PLAC8L1: variants seen among roughly 807,000 people sequenced by gnomAD.
The protein encoded by PLAC8L1 is PLAC8-like protein 1.
A neutral mutation model predicts 16.3 loss-of-function variants in PLAC8L1; 13 were observed. The ratio of observed to expected loss-of-function variants is 0.80; its 90% confidence interval spans 0.52 to 1.27. PLAC8L1 has a LOEUF of 1.27. Among genes scored for constraint, PLAC8L1 ranks in the 50% most tolerant of loss-of-function variants. The pLI is 0.00. For missense variants in PLAC8L1, 184 were observed against 220.2 expected (o/e 0.84, Z 1.04); for synonymous variants, 78 against 79.3 (o/e 0.98, Z 0.09).
At chr5:146,084,724 T>C (rs1763479691) in intron 3 of PLAC8L1, 152 bp from the exon 4 acceptor site, 3 of 981,264 alleles carry the variant, frequency 3.1e-6, no homozygotes, top group African/African-American at 3.3e-5. Flanking sequence ...CTAAGTTGCA[T>C]AAGTGCCAAG....
At chr5:146,085,164 TCGCAGCA>T (rs1763488323) in intron 3 of PLAC8L1, among the ~76,000 whole-genome samples, 1 of 152,122 alleles carries the variant, frequency 6.6e-6, no homozygotes, top group Non-Finnish European at 1.5e-5. Context: ...ACACCTGTAA[TCGCAGCA>T]CTTTGGGAGC....
chr5:146,089,213 T>A (rs535167691), intron 2 of PLAC8L1, among the ~76,000 whole-genome samples: 1 of 152,322 alleles, frequency 6.6e-6, no homozygotes, highest in African/African-American at 2.4e-5. Context: ...CTTTTTGTCA[T>A]ATAATCATGT....
rs79446742 is a variant in PLAC8L1, at chr5:146,084,452, T to C, written c.514A>G (p.Thr172Ala). The C allele has an allele frequency of 1.1e-3, 1,809 of 1,614,086 alleles. 14 individuals are homozygous for C. The African/African-American group carries it at 0.021, about 18-fold the overall frequency. Residue 172 changes from threonine to alanine, a missense_variant, in exon 4 of 4, where the codon ACT becomes GCT. Physicochemically the swap from Thr to Ala is moderately conservative, Grantham distance 58. Transcript: ENST00000311450. The stretch of plus-strand genomic sequence containing the variant: ...TGCTGTCAAACCAGGGTGTCCTTAG[T>C]CATTGGGACTGCACAGATTTCATAG... ...QVYEICAVPM[T>A]KDTLV is the part of the protein sequence containing the mutation.
At chr5:146,094,079 G>T (rs1191863659) in intron 2 of PLAC8L1, among the ~76,000 whole-genome samples, 1 of 151,910 alleles carries the variant, frequency 6.6e-6, no homozygotes, top group Non-Finnish European at 1.5e-5. Flanking sequence ...TTGTTGTTTT[G>T]TTTCTTTTGT....
At position 146,085,898 on chromosome 5, in the gene PLAC8L1, T is replaced by A. The variant is rs189259554; in HGVS notation, c.257-301A>T. 2.2e-3 allele frequency among the ~76,000 whole-genome samples: 330 copies of A among 152,340 alleles called. 3 individuals carry two copies. The highest frequency in any genetic ancestry group is 7.7e-3 in the African/African-American group (321 of 41,576). On this transcript the variant is annotated intron_variant, in intron 2 of 3. Transcript: ENST00000311450. ...GAGAAAAAGCATCAAATAATTTTTT[T>A]ACATTTGAATCATAACTGTTGCTTT...
At chr5:146,098,757 ACT>A (rs928853307) in intron 1 of PLAC8L1, among the ~76,000 whole-genome samples, 69 of 152,262 alleles carry the variant, frequency 4.5e-4, no homozygotes, top group African/African-American at 1.6e-3. Context: ...TGACAAAGTA[ACT>A]CTGAGTGAGC....
At chr5:146,091,629 T>C (rs986087500) in intron 2 of PLAC8L1, among the ~76,000 whole-genome samples, 1 of 143,236 alleles carries the variant, frequency 7.0e-6, no homozygotes, top group African/African-American at 2.4e-5. Context: ...AGACTCCATC[T>C]CTACAAAAAA....
intron 2 of PLAC8L1, among the ~76,000 whole-genome samples, chr5:146,094,250 T>G (rs1763675110): frequency 6.6e-6 from 1 of 152,052 alleles, no homozygotes; most frequent in Non-Finnish European, 1.5e-5. Context: ...GCCCAGCTAA[T>G]TTTGTATTTT....
chr5:146,095,512 G>T (rs2150036207), intron 2 of PLAC8L1, among the ~76,000 whole-genome samples: 1 of 152,260 alleles, frequency 6.6e-6, no homozygotes, highest in Non-Finnish European at 1.5e-5. Flanking sequence ...AAATCATTCT[G>T]CAGAATCTAA....
In PLAC8L1 at chr5:146,091,633, C is replaced by CA. The variant is rs35618261; in HGVS notation, c.257-6037dup. On this transcript the variant is annotated intron_variant, in intron 2 of 3. Transcript: ENST00000311450. ...GAAACATAGCGAGACTCCATCTCTA[C>CA]AAAAAAAAAAATTAAAAAATTAGCC... Among the ~76,000 whole-genome samples, 1,039 of 146,016 alleles carry CA rather than the reference C, an allele frequency of 7.1e-3. 3 individuals are homozygous for CA. Among genetic ancestry groups the CA allele is most frequent in the Middle Eastern group, 0.018 (5 of 278 alleles).
At chr5:146,097,583 T>A (rs1763739223) in intron 2 of PLAC8L1, among the ~76,000 whole-genome samples, 1 of 152,210 alleles carries the variant, frequency 6.6e-6, no homozygotes, top group African/African-American at 2.4e-5. Flanking sequence ...AATGTAAAAA[T>A]GTATCCAAAT....
At chr5:146,087,994 G>C (rs1763552051) in intron 2 of PLAC8L1, among the ~76,000 whole-genome samples, 1 of 152,102 alleles carries the variant, frequency 6.6e-6, no homozygotes, top group African/African-American at 2.4e-5. Context: ...AATTGTGATT[G>C]GATCACAGGG....
At chr5:146,097,420 A>C (rs1763736044) in intron 2 of PLAC8L1, among the ~76,000 whole-genome samples, 1 of 152,252 alleles carries the variant, frequency 6.6e-6, no homozygotes, top group Non-Finnish European at 1.5e-5. Flanking sequence ...AAAAAAGAAA[A>C]GCAAAAAGGA....
intron 3 of PLAC8L1, among the ~76,000 whole-genome samples, 198 bp from the exon 4 acceptor site, chr5:146,084,770 C>T (rs149263871): frequency 2.6e-5 from 4 of 152,222 alleles, no homozygotes; most frequent in South Asian, 2.1e-4. Flanking sequence ...CGATTCAGAG[C>T]GCTGCCCTTA....
chr5:146,085,442 T>C lies in PLAC8L1; in HGVS notation c.393+19A>G. 1 of 1,612,152 alleles carries C rather than the reference T, an allele frequency of 6.2e-7. No homozygotes were observed. Among genetic ancestry groups the C allele is most frequent in the Middle Eastern group, 1.7e-4 (1 of 6,048 alleles). On this transcript the variant is annotated intron_variant, in intron 3 of 3. Coordinates refer to ENST00000311450, the MANE Select transcript of PLAC8L1 (RefSeq NM_001029869.3). Reference sequence around the variant, plus strand: ...TTTCATACAGATTCGGGTTCACGTATACCTTCAAACACACTTACCTGTATT... The same window carrying C: ...TTTCATACAGATTCGGGTTCACGTACACCTTCAAACACACTTACCTGTATT...
At chr5:146,085,414 G>C (rs1763492081) in intron 3 of PLAC8L1, 47 bp downstream of exon 3, 2 of 1,561,324 alleles carry the variant, frequency 1.3e-6, no homozygotes, top group Non-Finnish European at 1.7e-6. Context: ...AAGGCATCTA[G>C]GTTTTCATAC....
intron 2 of PLAC8L1, among the ~76,000 whole-genome samples, chr5:146,094,514 T>C (rs1381648722): frequency 1.3e-5 from 2 of 152,246 alleles, no homozygotes; most frequent in Non-Finnish European, 2.9e-5. Context: ...AGCTGAATTA[T>C]GAGTTGATTA....
chr5:146,100,741 G>A (rs1415029425), intron 1 of PLAC8L1, among the ~76,000 whole-genome samples: 1 of 152,096 alleles, frequency 6.6e-6, no homozygotes, highest in African/African-American at 2.4e-5. Context: ...TAATATGTTT[G>A]TTATGATGTA....
intron 2 of PLAC8L1, among the ~76,000 whole-genome samples, chr5:146,091,478 ATACCAT>A (rs1763616304): frequency 6.6e-6 from 1 of 152,212 alleles, no homozygotes; most frequent in African/African-American, 2.4e-5. Context: ...ATAATACATA[ATACCAT>A]TTATATTATA....
Sources: allele counts gnomAD v4.1 joint callset (sites outside exome capture counted in the v4.1 genomes callset), GRCh38; gene constraint gnomAD v4.1.1; transcripts MANE v1.5; gene names NCBI Gene and HGNC (gene_info 2026-07-23, HGNC 2026-07-21).